ANGPTL2: variants seen among roughly 807,000 people sequenced by gnomAD.
ANGPTL2 encodes the protein angiopoietin-related protein 2.
Under a neutral mutation model 52.8 loss-of-function variants are expected in ANGPTL2, and 25 were observed. The ratio of observed to expected loss-of-function variants is 0.47; its 90% CI spans 0.35 to 0.66. The LOEUF is 0.66. Ranked by LOEUF, ANGPTL2 falls within the 30% of genes least tolerant of loss-of-function variation. The pLI is 0.01. For synonymous variants in ANGPTL2, 276 were observed against 277.4 expected, an observed-to-expected ratio of 1.00 and a Z score of 0.05; for missense variants, 546 against 656.9, an observed-to-expected ratio of 0.83 and a Z score of 1.84.
chr9:127,096,066 A>G (rs1281189760), intron 2 of ANGPTL2, among the ~76,000 whole-genome samples: 1 of 152,196 alleles, frequency 6.6e-6, no homozygotes, highest in East Asian at 1.9e-4. Flanking sequence ...GGGATGGGGC[A>G]GGACCCAATG....
intron 2 of ANGPTL2, chr9:127,106,930 G>A (rs974784220): frequency 2.0e-5 from 3 of 152,252 alleles, no homozygotes; most frequent in African/African-American, 7.2e-5. Flanking sequence ...CTGACTTGGA[G>A]TAGATACATG....
intron 2 of ANGPTL2, among the ~76,000 whole-genome samples, chr9:127,094,551 A>G (rs1010947656): frequency 6.6e-6 from 1 of 152,262 alleles, no homozygotes; most frequent in South Asian, 2.1e-4. Context: ...GGCCTAGGCC[A>G]TGCCCAGAAT....
chr9:127,097,524 A>G (rs1589451886), intron 2 of ANGPTL2, among the ~76,000 whole-genome samples: 1 of 152,378 alleles, frequency 6.6e-6, no homozygotes, highest in South Asian at 2.1e-4. Flanking sequence ...CTTTTCACAC[A>G]TTAAAGGCAC....
chr9:127,098,620 C>T (rs146108704), intron 2 of ANGPTL2, among the ~76,000 whole-genome samples: 1 of 152,174 alleles, frequency 6.6e-6, no homozygotes, highest in Admixed American at 6.5e-5. Context: ...CCGGACCCCA[C>T]TGCCATACCC....
chr9:127,093,765 CAG>C lies in ANGPTL2; in HGVS notation c.977_978del (p.Ser326CysfsTer2). On this transcript the variant is annotated frameshift_variant, in exon 3 of 5. Transcript: ENST00000373425. LOFTEE classifies it high-confidence loss of function. ...WTVIQRRLDG[S>X]VNFFRNWETY... ...GTCTCCCAGTTCCTGAAGAAGTTAA[CAG>C]AGCCATCCAGGCGTCTCTGGATGAC... 6.2e-7 allele frequency: 1 copy of C among 1,614,082 alleles called. No individual in the cohort carries two copies. The highest frequency in any genetic ancestry group is 8.5e-7 in the Non-Finnish European group (1 of 1,180,000).
Position 127,103,143 on chromosome 9 carries a change from A to T in ANGPTL2, c.817+4772T>A, listed in dbSNP as rs1589487425. Among the ~76,000 whole-genome samples, 7 of 152,376 alleles carry T rather than the reference A, an allele frequency of 4.6e-5. No individual in the cohort carries two copies. In the South Asian group the frequency reaches 1.2e-3, roughly 27 times the overall value. ...TTGCTTGACCTCCAGAAAGAATGGG[A>T]GCTACAACATCATATATTTCTCTGT... On this transcript the variant is annotated intron_variant, in intron 2 of 4. Coordinates refer to ENST00000373425, the MANE Select transcript of ANGPTL2 (RefSeq NM_012098.3).
At chr9:127,092,857 A>G (rs1035412098) in intron 3 of ANGPTL2, among the ~76,000 whole-genome samples, 4 of 152,150 alleles carry the variant, frequency 2.6e-5, no homozygotes, top group African/African-American at 9.7e-5. Context: ...CAACCAGGAC[A>G]GGAGACTCAA....
intron 1 of ANGPTL2, among the ~76,000 whole-genome samples, chr9:127,115,284 C>T (rs568586466): frequency 6.1e-4 from 93 of 152,234 alleles, no homozygotes; most frequent in African/African-American, 2.1e-3. Context: ...CTGCCTCCCG[C>T]TTTCAAGCAG....
chr9:127,119,785 C>T (rs1173712696), intron 1 of ANGPTL2, among the ~76,000 whole-genome samples: 1 of 152,138 alleles, frequency 6.6e-6, no homozygotes, highest in East Asian at 1.9e-4. Context: ...ACCCAGACTG[C>T]CTCATTAGTA....
intron 2 of ANGPTL2, among the ~76,000 whole-genome samples, chr9:127,100,278 A>C (rs1352799951): frequency 6.6e-6 from 1 of 152,210 alleles, no homozygotes; most frequent in Non-Finnish European, 1.5e-5. Context: ...TGTGTGAGGT[A>C]GGTCATTTCA....
chr9:127,094,843 C>G (rs2052921690), intron 2 of ANGPTL2, among the ~76,000 whole-genome samples: 1 of 152,194 alleles, frequency 6.6e-6, no homozygotes, highest in African/African-American at 2.4e-5. Flanking sequence ...CTTGGGCAGC[C>G]CAGTCAGAAG....
chr9:127,121,777 C>T (rs1378549985), intron 1 of ANGPTL2, among the ~76,000 whole-genome samples: 1 of 152,204 alleles, frequency 6.6e-6, no homozygotes, highest in South Asian at 2.1e-4. Flanking sequence ...CTGCTCTCCT[C>T]GCCAGCTGGA....
chr9:127,119,793 G>T (rs528985682), intron 1 of ANGPTL2, among the ~76,000 whole-genome samples: 1 of 152,156 alleles, frequency 6.6e-6, no homozygotes, highest in African/African-American at 2.4e-5. Flanking sequence ...TGCCTCATTA[G>T]TAGTAAGTAG....
In ANGPTL2 at chr9:127,088,794, G is replaced by T; in HGVS notation, c.*145C>A. On this transcript the variant is annotated 3_prime_UTR_variant, in exon 5 of 5. Transcript: ENST00000373425. Reference sequence around the variant, plus strand: ...TATCGATTCAGTTCCATCATCCGCTGCAGTGACTTCGGAAAACAGAATCCA... The same window carrying T: ...TATCGATTCAGTTCCATCATCCGCTTCAGTGACTTCGGAAAACAGAATCCA... The T allele has an allele frequency of 1.1e-6, 1 of 894,740 alleles. No homozygotes were observed. Among genetic ancestry groups the T allele is most frequent in the Non-Finnish European group, 1.8e-6 (1 of 570,062 alleles). The allele number at this position is 894,740 out of a possible 1,614,324, so 55.4% of individuals were successfully genotyped here.
intron 2 of ANGPTL2, among the ~76,000 whole-genome samples, chr9:127,105,328 G>C (rs1554828344): frequency 6.6e-6 from 1 of 152,200 alleles, no homozygotes; most frequent in Non-Finnish European, 1.5e-5. Flanking sequence ...ACGGGCGAGT[G>C]CAGGACACTT....
At chr9:127,097,662 G>A (rs1180390132) in intron 2 of ANGPTL2, among the ~76,000 whole-genome samples, 4 of 152,216 alleles carry the variant, frequency 2.6e-5, no homozygotes, top group Admixed American at 2.6e-4. Context: ...ATCCTACTTT[G>A]ATGAGAAATC....
chr9:127,091,865 A>G lies in ANGPTL2; in HGVS notation c.1087T>C (p.Tyr363His), dbSNP rs774533911. The change falls in exon 4 of 5, where the codon TAC (tyrosine) becomes CAC (histidine). Residue 363 changes from tyrosine (Y) to histidine (H), a missense_variant. By Grantham distance (83) the Tyr-to-His change is moderately conservative. Coordinates refer to ENST00000373425, the MANE Select transcript of ANGPTL2 (RefSeq NM_012098.3). This position sits in a 1 kb window ranked among gnomAD's most constrained non-coding sequence, Gnocchi z 4.3. ...NIYWLTNQGN[Y>H]KLLVTMEDWS... ...TCCTCCATGGTCACCAGGAGTTTGT[A>G]GTTGCCTTGGTTCGTCAGCCAGTAA... 1 of 1,614,134 alleles carries G rather than the reference A, an allele frequency of 6.2e-7. No homozygotes were observed. Among genetic ancestry groups the G allele is most frequent in the Non-Finnish European group, 8.5e-7 (1 of 1,180,016 alleles).
In ANGPTL2 at chr9:127,093,921, A is replaced by T; in HGVS notation, c.823T>A (p.Trp275Arg). ...PSSTDKPSGP[W>R]RDCLQALEDG... ...TCCAGGGCCTGCAGGCAGTCTCTCC[A>T]TGGGCCTGGGGACACAGACATGCAT... The change falls in exon 3 of 5, where the codon TGG becomes AGG. Residue 275 changes from tryptophan (W) to arginine (R), a missense_variant. This residue lies in a region of ANGPTL2 where 261 missense variants were observed against 361.0 expected (regional missense o/e 0.72). Coordinates refer to ENST00000373425, the MANE Select transcript of ANGPTL2 (RefSeq NM_012098.3). The T allele has an allele frequency of 1.9e-6, 3 of 1,613,522 alleles. No individual in the cohort carries two copies. The highest frequency in any genetic ancestry group is 2.2e-5 in the East Asian group (1 of 44,830).
At chr9:127,116,318 G>A (rs979039704) in intron 1 of ANGPTL2, among the ~76,000 whole-genome samples, 1 of 152,056 alleles carries the variant, frequency 6.6e-6, no homozygotes, top group Admixed American at 6.5e-5. Flanking sequence ...AGATCATAGG[G>A]TAGAGGGGGA....
Sources: allele counts gnomAD v4.1 joint callset (sites outside exome capture counted in the v4.1 genomes callset), GRCh38; gene constraint gnomAD v4.1.1; regional missense constraint gnomAD v4.1.1; non-coding constraint Gnocchi (gnomAD v3.1); transcripts MANE v1.5; gene names NCBI Gene and HGNC (gene_info 2026-07-23, HGNC 2026-07-21).